Variants in NRCAM observed in about 807,000 individuals in gnomAD.
The protein encoded by NRCAM is neuronal cell adhesion molecule.
A neutral mutation model predicts 156.5 loss-of-function variants in NRCAM; 83 were observed. The ratio of observed to expected loss-of-function variants is 0.53; its 90% confidence interval spans 0.44 to 0.64. NRCAM has a LOEUF of 0.64. Among genes scored for constraint, NRCAM ranks in the 30% least tolerant of loss-of-function variants. NRCAM has a pLI of 0.00. For missense variants in NRCAM, 1,417 were observed against 1,597.3 expected (o/e 0.89, Z 1.92); for synonymous variants, 538 against 563.9 (o/e 0.95, Z 0.65).
At chr7:108,183,182 C>G (rs1279807659) in intron 22 of NRCAM, among the ~76,000 whole-genome samples, 1 of 152,220 alleles carries the variant, frequency 6.6e-6, no homozygotes, top group Admixed American at 6.5e-5. Context: ...CAAACTCTGG[C>G]TCTACCGTCA....
At chr7:108,336,108 C>G (rs1269295455) in intron 2 of NRCAM, among the ~76,000 whole-genome samples, 9 of 152,168 alleles carry the variant, frequency 5.9e-5, no homozygotes, top group Admixed American at 3.9e-4. Context: ...TCTTCTAATT[C>G]AGGATTTTGC....
In NRCAM at chr7:108,198,061, T is replaced by C; in HGVS notation, c.1246A>G (p.Thr416Ala). The C allele has an allele frequency of 6.2e-7, 1 of 1,607,604 alleles. No individual in the cohort carries two copies. ...DDPSRKIDGD[T>A]IIFSNVQERS... ...TCTTGAACATTTGAAAAAATAATGG[T>C]ATCGCCATCTATTTTTCTGCTGGGG... Residue 416 changes from threonine to alanine, a missense_variant, in exon 14 of 33, where the codon ACC becomes GCC. By Grantham distance (58) the Thr-to-Ala change is moderately conservative. Around this residue, in one of 2 missense-constraint regions of NRCAM, gnomAD observed 1,238 missense variants for 1,336.4 expected, o/e 0.93. Transcript: ENST00000379028.
chr7:108,314,456 G>A (rs2098855434), intron 2 of NRCAM, among the ~76,000 whole-genome samples: 1 of 152,036 alleles, frequency 6.6e-6, no homozygotes, highest in Non-Finnish European at 1.5e-5. Flanking sequence ...AATAAAATCA[G>A]TCCTAAGTCA....
intron 2 of NRCAM, among the ~76,000 whole-genome samples, chr7:108,346,072 C>T (rs1176636457): frequency 6.6e-6 from 1 of 152,158 alleles, no homozygotes; most frequent in East Asian, 1.9e-4. Context: ...GCTACGGAGA[C>T]TAGCTGTGGT....
rs558852029 is a variant in NRCAM at position 108,407,485 on chromosome 7, T to G, written c.-331-7892A>C. 2.6e-3 allele frequency among the ~76,000 whole-genome samples: 393 copies of G among 152,318 alleles called. 2 individuals carry two copies. The highest frequency in any genetic ancestry group is 4.7e-3 in the Non-Finnish European group (319 of 68,036). ...AAGTTCCATTTCTCTCATCTAAGAT[T>G]GTGATCAACTGAACCGAGAGTATTT... On this transcript the variant is annotated intron_variant, in intron 1 of 32. Transcript: ENST00000379028.
Position 108,178,027 on chromosome 7 carries a change from A to G in NRCAM, c.2937T>C (p.Asn979=). Residue 979 remains asparagine (N), a synonymous_variant, in exon 26 of 33, where the codon AAT becomes AAC. Coordinates refer to ENST00000379028, the MANE Select transcript of NRCAM (RefSeq NM_001037132.4). ...TTAAGGTGTACTCTGTCAAAATGCC[A>G]TTCGGGTGGCTCGGTGGATCCCATT... ...TLEWDPPSHP[N]GILTEYTLKY... 1.9e-6 allele frequency: 3 copies of G among 1,613,596 alleles called. No individual in the cohort carries two copies. The highest frequency in any genetic ancestry group is 2.5e-6 in the Non-Finnish European group (3 of 1,179,654).
intron 1 of NRCAM, among the ~76,000 whole-genome samples, chr7:108,420,704 T>G (rs553836941): frequency 6.6e-6 from 1 of 152,326 alleles, no homozygotes; most frequent in African/African-American, 2.4e-5. Flanking sequence ...CTGGTCCCCA[T>G]TGGTTTCCTT....
chr7:108,210,331 C>T (rs2153591241), intron 11 of NRCAM, among the ~76,000 whole-genome samples: 1 of 151,960 alleles, frequency 6.6e-6, no homozygotes, highest in African/African-American at 2.4e-5. Flanking sequence ...ACTGCAAGCT[C>T]CGCCTCCCAG....
intron 3 of NRCAM, among the ~76,000 whole-genome samples, chr7:108,267,683 G>A (rs1016351447): frequency 2.0e-5 from 3 of 152,178 alleles, no homozygotes; most frequent in Non-Finnish European, 4.4e-5. Context: ...AGAAAGGAAA[G>A]ATAAGTTTAC....
rs567613511 is a variant in NRCAM, at chr7:108,382,115, T to C, written c.-174+17321A>G. On this transcript the variant is annotated intron_variant, in intron 2 of 32. Coordinates refer to ENST00000379028, the MANE Select transcript of NRCAM (RefSeq NM_001037132.4). ...GAAAGCATCTGAGGCTGTGAAGGGG[T>C]GCATGGTAACTTCAAATTGTGTGGT... 1.1e-3 allele frequency among the ~76,000 whole-genome samples: 165 copies of C among 152,074 alleles called. 1 individual carries two copies. Among genetic ancestry groups the C allele is most frequent in the African/African-American group, 3.9e-3 (162 of 41,464 alleles).
At chr7:108,435,251 G>A (rs367951067) in intron 1 of NRCAM, among the ~76,000 whole-genome samples, 11 of 152,114 alleles carry the variant, frequency 7.2e-5, no homozygotes, top group Admixed American at 1.3e-4. Flanking sequence ...TGAAAAGATC[G>A]ATACCTGAAA....
chr7:108,438,414 A>T (rs1834739178), intron 1 of NRCAM, among the ~76,000 whole-genome samples: 1 of 152,224 alleles, frequency 6.6e-6, no homozygotes, highest in Non-Finnish European at 1.5e-5. Context: ...AAATCACATT[A>T]TAGTTTTAAA....
At chr7:108,362,318 A>G (rs2099559100) in intron 2 of NRCAM, among the ~76,000 whole-genome samples, 1 of 152,134 alleles carries the variant, frequency 6.6e-6, no homozygotes, top group Non-Finnish European at 1.5e-5. Context: ...TGACCTAATC[A>G]GCTCCCAAAG....
intron 10 of NRCAM, among the ~76,000 whole-genome samples, chr7:108,224,526 T>C (rs2093080752): frequency 6.6e-6 from 1 of 152,154 alleles, no homozygotes; most frequent in South Asian, 2.1e-4. Flanking sequence ...TCTTCTTTTT[T>C]ATGGAGGCCT....
At chr7:108,231,529 A>G (rs1278378031) in intron 7 of NRCAM, among the ~76,000 whole-genome samples, 1 of 152,228 alleles carries the variant, frequency 6.6e-6, no homozygotes, top group Non-Finnish European at 1.5e-5. Flanking sequence ...TGAATACCAT[A>G]GAGTATTATA....
At chr7:108,194,966 G>T (rs763903598) in intron 15 of NRCAM, among the ~76,000 whole-genome samples, 2 of 152,192 alleles carry the variant, frequency 1.3e-5, no homozygotes, top group Non-Finnish European at 2.9e-5. Context: ...CTGAAGTGGG[G>T]AGTAAAAGAA....
chr7:108,195,629 A>T (rs963563032), intron 15 of NRCAM, 132 bp downstream of exon 15: 3 of 608,780 alleles, frequency 4.9e-6, no homozygotes, highest in Non-Finnish European at 8.8e-6. Context: ...AGAAAAAAAA[A>T]TATATTAACA....
chr7:108,272,080 T>C (rs1269663), intron 3 of NRCAM, among the ~76,000 whole-genome samples: 102,527 of 152,050 alleles, frequency 0.67, 34,943 homozygotes, highest in East Asian at 0.95. Context: ...TATTCTAAAT[T>C]TATAATTCTG....
chr7:108,174,598 T>C (rs1381171918), intron 28 of NRCAM, among the ~76,000 whole-genome samples: 1 of 152,220 alleles, frequency 6.6e-6, no homozygotes, highest in Non-Finnish European at 1.5e-5. Context: ...TTACAACTTA[T>C]TCAAGCACCA....
Sources: gnomAD v4.1 joint callset for allele counts (sites outside exome capture counted in the v4.1 genomes callset) on GRCh38, gnomAD v4.1.1 for gene constraint, gnomAD v4.1.1 regional missense constraint, MANE v1.5 for transcripts, NCBI Gene and HGNC (gene_info 2026-07-23, HGNC 2026-07-21) for gene names.